Variants in CEP131 observed in about 807,000 individuals in gnomAD.
CEP131 encodes centrosomal protein of 131 kDa.
A neutral mutation model predicts 136.8 loss-of-function variants in CEP131; 99 were observed. That is an observed-to-expected ratio of 0.72 (90% CI 0.62 to 0.86). The LOEUF (loss-of-function observed/expected upper bound fraction) is 0.86, where lower values mean the gene tolerates loss of function less well. Among genes scored for constraint, CEP131 ranks in the 40% least tolerant of loss-of-function variants. The pLI, the probability that CEP131 is intolerant of heterozygous loss-of-function variation, is 0.00. For synonymous variants in CEP131, 646 were observed against 612.7 expected, an observed-to-expected ratio of 1.05 and a Z score of -0.80; for missense variants, 1,459 against 1,463.0, an observed-to-expected ratio of 1.00 and a Z score of 0.04.
intron 18 of CEP131, 55 bp from the exon 19 acceptor site, chr17:81,192,898 C>T (rs1306930087): frequency 3.2e-6 from 5 of 1,558,856 alleles, no homozygotes; most frequent in Non-Finnish European, 4.3e-6. Flanking sequence ...TCCCAGGACC[C>T]ACCCACCGCA....
rs2061940712 is a variant in CEP131 at position 81,203,525 on chromosome 17, T to G, written c.598A>C (p.Lys200Gln). 6.2e-7 allele frequency: 1 copy of G among 1,608,250 alleles called. No individual in the cohort carries two copies. ...GAGGGGGCAGTCTGGTTGGAGCTCT[T>G]GAGCGGAGGCGCCCTCTCCGAGGGG... Reference protein sequence around the residue: ...YTPSERAPPLKSSNQTAPSLN... With the variant: ...YTPSERAPPLQSSNQTAPSLN... The change falls in exon 6 of 26, where the codon AAG (lysine) becomes CAG (glutamine). Residue 200 changes from lysine (K) to glutamine (Q), a missense_variant. By Grantham distance (53) the Lys-to-Gln change is moderately conservative (BLOSUM62 1). Coordinates refer to ENST00000450824, the MANE Select transcript of CEP131 (RefSeq NM_014984.4). The surrounding 1 kb of genome is among the most constrained non-coding windows in gnomAD (Gnocchi z 4.6).
chr17:81,191,277 TC>T lies in CEP131; in HGVS notation c.2680del (p.Asp894ThrfsTer58). 1 of 1,613,514 alleles carries T rather than the reference TC, an allele frequency of 6.2e-7. No homozygotes were observed. Among genetic ancestry groups the T allele is most frequent in the Non-Finnish European group, 8.5e-7 (1 of 1,179,960 alleles). On this transcript the variant is annotated frameshift_variant, in exon 22 of 26. Transcript: ENST00000450824. LOFTEE classifies it high-confidence loss of function. The part of the protein sequence containing the change: ...ELREEIRKGR[D>X]KEIELVIHRL... ...GTGAATGACCAGCTCAATCTCCTTG[TC>T]CCGGCCTTTCCGGATTTCTTCCCTC...
intron 5 of CEP131, among the ~76,000 whole-genome samples, chr17:81,205,389 GGGGC>G: frequency 8.2e-6 from 1 of 121,496 alleles, no homozygotes; most frequent in South Asian, 3.1e-4. Context: ...TGGGGTAGGA[GGGGC>G]AGCGGGGCAG....
At chr17:81,222,453 C>T (rs1316316942) in intron 1 of CEP131, among the ~76,000 whole-genome samples, 1 of 152,286 alleles carries the variant, frequency 6.6e-6, no homozygotes. Flanking sequence ...TCCATGTTGT[C>T]CTGGGGACCG....
chr17:81,201,073 T>A (rs1321701590), intron 7 of CEP131, among the ~76,000 whole-genome samples: 2 of 151,840 alleles, frequency 1.3e-5, no homozygotes, highest in African/African-American at 4.8e-5. Context: ...TAAGTAAAAC[T>A]GATTAAGCAA....
Position 81,199,545 on chromosome 17 carries a change from A to G in CEP131, c.1028T>C (p.Leu343Pro), listed in dbSNP as rs1335711938. ...RQARRAAIQE[L>P]QQKRALRAQK... ...GGCTCTCAGGGCTCGTTTCTGTTGCAGCTCCTGCAGTGGGAGCATCGCTGA... is the reference window on the plus strand; with the variant it reads ...GGCTCTCAGGGCTCGTTTCTGTTGCGGCTCCTGCAGTGGGAGCATCGCTGA... The change falls in exon 10 of 26, where the codon CTG (leucine) becomes CCG (proline). Residue 343 changes from leucine (L) to proline (P), a missense_variant. Physicochemically the swap from Leu to Pro is moderately conservative, Grantham distance 98. Transcript: ENST00000450824. 1.2e-6 allele frequency: 2 copies of G among 1,604,878 alleles called. No homozygotes were observed. The highest frequency in any genetic ancestry group is 3.4e-5 in the Admixed American group (2 of 59,232).
intron 2 of CEP131, among the ~76,000 whole-genome samples, chr17:81,212,080 C>T (rs1373099524): frequency 3.3e-5 from 5 of 151,808 alleles, no homozygotes; most frequent in African/African-American, 1.2e-4. Flanking sequence ...TTTGAGAGGC[C>T]GAGGTGGGCG....
intron 7 of CEP131, among the ~76,000 whole-genome samples, chr17:81,201,111 G>A (rs1025903937): frequency 7.9e-5 from 12 of 152,212 alleles, no homozygotes; most frequent in East Asian, 1.9e-4. Context: ...CTTGGCTCTC[G>A]GGACCATGTG....
At position 81,216,566 on chromosome 17, in the gene CEP131, G is replaced by A. The variant is rs534749834; in HGVS notation, c.177+3314C>T. Among the ~76,000 whole-genome samples the A allele has an allele frequency of 7.2e-5, 11 of 152,268 alleles. No homozygotes were observed. The South Asian group carries it at 1.5e-3, about 20-fold the overall frequency. ...AGAAAAGAGAATGCAGGAGCCCCAC[G>A]CAGCTGACGGATACGGCACTTGTTC... is the stretch of plus-strand genomic sequence containing the variant. On this transcript the variant is annotated intron_variant, in intron 2 of 25. Transcript: ENST00000450824.
Position 81,203,800 on chromosome 17 carries a change from A to G in CEP131, c.516-193T>C. ...CCCTGATGATGGGGTTCTTCCCAGG[A>G]CAGGAAAGCTGGACCAGGGGCTCCC... is the stretch of plus-strand genomic sequence containing the variant. On this transcript the variant is annotated intron_variant, in intron 5 of 25. Transcript: ENST00000450824. This position sits in a 1 kb window ranked among gnomAD's most constrained non-coding sequence, Gnocchi z 4.6. 1 of 574,520 alleles carries G rather than the reference A, an allele frequency of 1.7e-6. No homozygotes were observed. Among genetic ancestry groups the G allele is most frequent in the Non-Finnish European group, 3.1e-6 (1 of 322,722 alleles). 35.6% of individuals were successfully genotyped at this position (574,520 alleles called of 1,614,324 possible). A position where few individuals can be genotyped will look rare whatever the true frequency, so the allele number is the denominator to read the frequency against.
chr17:81,192,685 G>GGGGGGGGGGGGGGCGCCC, intron 19 of CEP131, 51 bp downstream of exon 19: 2 of 478,436 alleles, frequency 4.2e-6, no homozygotes, highest in Non-Finnish European at 8.1e-6. Context: ...GGGGGGAGGG[G>GGGGGGGGGGGGGGCGCCC]TCAGCCAGCG....
intron 5 of CEP131, among the ~76,000 whole-genome samples, chr17:81,206,150 G>T (rs7219960): frequency 0.028 from 4,188 of 152,040 alleles, 77 homozygotes; most frequent in African/African-American, 0.06. Flanking sequence ...GGAGTCAGAG[G>T]TTGCAGTGAG....
intron 7 of CEP131, among the ~76,000 whole-genome samples, chr17:81,201,883 C>CCT (rs1178179986): frequency 6.6e-6 from 1 of 152,104 alleles, no homozygotes; most frequent in Non-Finnish European, 1.5e-5. Context: ...GGGCGGATCA[C>CCT]GAGGTCAGGA....
At chr17:81,199,010 C>A (rs2061830256) in intron 10 of CEP131, 39 bp from the exon 11 acceptor site, 2 of 1,469,684 alleles carry the variant, frequency 1.4e-6, no homozygotes, top group Non-Finnish European at 1.8e-6. Context: ...CAGGGAGCAT[C>A]CCGGGGCGGG....
At chr17:81,222,157 G>C (rs555040717) in intron 1 of CEP131, among the ~76,000 whole-genome samples, 3 of 152,328 alleles carry the variant, frequency 2.0e-5, no homozygotes, top group East Asian at 1.9e-4. Flanking sequence ...GATGGCGAAC[G>C]GGGCCTCTCC....
At chr17:81,202,171 A>G in intron 7 of CEP131, 69 bp downstream of exon 7, 50 of 283,510 alleles carry the variant, frequency 1.8e-4, no homozygotes, top group Non-Finnish European at 3.2e-4. Context: ...TGAGCCCCCC[A>G]GACCCTGATG....
rs2062049910 is a variant in CEP131, at chr17:81,208,016, ACAC to A, written c.273-780_273-778del. 1.1e-5 allele frequency among the ~76,000 whole-genome samples: 1 copy of A among 92,314 alleles called. No homozygotes were observed. Among genetic ancestry groups the A allele is most frequent in the South Asian group, 4.6e-4 (1 of 2,178 alleles). The allele number at this position is 92,314 out of a possible 152,430, so 60.6% of individuals were successfully genotyped here. On this transcript the variant is annotated intron_variant, in intron 3 of 25. Coordinates refer to ENST00000450824, the MANE Select transcript of CEP131 (RefSeq NM_014984.4). This position sits in a 1 kb window ranked among gnomAD's most constrained non-coding sequence, Gnocchi z 5.6. ...ACCACACCCCAGACACACACCACTC[ACAC>A]CACACACCCACACACCACACACCCC...
At position 81,198,172 on chromosome 17, in the gene CEP131, C is replaced by T. The variant is rs147103902; in HGVS notation, c.1413G>A (p.Pro471=). The change falls in exon 12 of 26, where the codon CCG becomes CCA. Residue 471 remains proline (P), a synonymous_variant. Coordinates refer to ENST00000450824, the MANE Select transcript of CEP131 (RefSeq NM_014984.4). ...LHTLQLLEKE[P]DVLPRPRTHH... The stretch of plus-strand genomic sequence containing the variant: ...GGGTCCTGGGGCGGGGCAGCACGTC[C>T]GGCTCCTTCTCCAGCAGCTGCAGTG... 4.6e-5 allele frequency: 72 copies of T among 1,578,592 alleles called. No individual in the cohort carries two copies. Among genetic ancestry groups the T allele is most frequent in the Middle Eastern group, 1.8e-4 (1 of 5,662 alleles).
rs559738993 is a variant in CEP131, at chr17:81,209,289, G to A, written c.178-267C>T. Among the ~76,000 whole-genome samples the A allele has an allele frequency of 5.3e-5, 8 of 152,254 alleles. No individual in the cohort carries two copies. The South Asian group carries it at 1.7e-3, about 32-fold the overall frequency. On this transcript the variant is annotated intron_variant, in intron 2 of 25. Transcript: ENST00000450824. ...AGCCCTTCACCCCTGGCAGAGGGAG[G>A]GCGGGAAGGGAGCTGCTCACTGTCA...
Sources: gnomAD v4.1 joint callset for allele counts (sites outside exome capture counted in the v4.1 genomes callset) on GRCh38, gnomAD v4.1.1 for gene constraint, Gnocchi (gnomAD v3.1) non-coding constraint, MANE v1.5 for transcripts, NCBI Gene and HGNC (gene_info 2026-07-23, HGNC 2026-07-21) for gene names.